FREM3: variants seen among roughly 807,000 people sequenced by gnomAD.
FREM3 encodes FRAS1 related extracellular matrix 3.
A neutral mutation model predicts 129.1 loss-of-function variants in FREM3; 105 were observed. The observed-to-expected ratio is 0.81, with a 90% CI of 0.69 to 0.96. The LOEUF (loss-of-function observed/expected upper bound fraction) is 0.96. Ranked by LOEUF, FREM3 falls within the 40% of genes least tolerant of loss-of-function variation. FREM3 has a pLI of 0.00. For missense variants in FREM3, 2,593 were observed against 2,666.3 expected, an observed-to-expected ratio of 0.97 and a Z score of 0.61; for synonymous variants, 1,014 against 1,044.9, an observed-to-expected ratio of 0.97 and a Z score of 0.57.
intron 2 of FREM3, among the ~76,000 whole-genome samples, chr4:143,655,008 C>G (rs1739575175): frequency 6.6e-6 from 1 of 152,092 alleles, no homozygotes; most frequent in South Asian, 2.1e-4. Context: ...TGCAGCTGTT[C>G]CCTCCATCCT....
rs1444241670 is a variant in FREM3, at chr4:143,659,898, A to T, written c.5276-32138T>A. 8.6e-4 allele frequency among the ~76,000 whole-genome samples: 130 copies of T among 151,858 alleles called. No individual in the cohort carries two copies. In the Middle Eastern group the frequency reaches 0.01, roughly 12 times the overall value. ...ATGTCTTCTTTTGAGAAGTGTCTGTACATGTCCTTGGCCCACTTTTTGATG... is the reference window on the plus strand; with the variant it reads ...ATGTCTTCTTTTGAGAAGTGTCTGTTCATGTCCTTGGCCCACTTTTTGATG... On this transcript the variant is annotated intron_variant, in intron 2 of 7. Coordinates refer to ENST00000329798, the MANE Select transcript of FREM3 (RefSeq NM_001168235.2).
chr4:143,617,273 T>G (rs1035637782), intron 5 of FREM3, among the ~76,000 whole-genome samples: 2 of 152,074 alleles, frequency 1.3e-5, no homozygotes, highest in Non-Finnish European at 2.9e-5. Context: ...GTGACATTTT[T>G]GGGGGTCACA....
chr4:143,673,702 GAGGC>G (rs764325192), intron 2 of FREM3, among the ~76,000 whole-genome samples: 3 of 152,254 alleles, frequency 2.0e-5, no homozygotes, highest in East Asian at 1.9e-4. Flanking sequence ...AGAGTCTACA[GAGGC>G]AGGCAGGCCT....
intron 2 of FREM3, among the ~76,000 whole-genome samples, chr4:143,634,766 G>C (rs1349949520): frequency 2.0e-5 from 3 of 152,116 alleles, no homozygotes; most frequent in African/African-American, 7.2e-5. Flanking sequence ...GTGAGGGTCA[G>C]TTACAGGCTC....
rs1231344178 is a variant in FREM3, at chr4:143,698,125, C to T, written c.2551G>A (p.Glu851Lys). ...GTGTCTGGGTCTGTAACATGCAGCT[C>T]ATTACTGCTGAGGTTAAAGCTGCCT... Reference protein sequence around the residue: ...EGGSFNLSSNELHVTDPDTDI... With the variant: ...EGGSFNLSSNKLHVTDPDTDI... Residue 851 changes from glutamate (E) to lysine (K), a missense_variant, in exon 1 of 8, where the codon GAG (glutamate) becomes AAG (lysine). Glu to Lys is a moderately conservative substitution (Grantham distance 56, BLOSUM62 1). Transcript: ENST00000329798. The T allele has an allele frequency of 2.0e-6, 3 of 1,537,460 alleles. No homozygotes were observed. The highest frequency in any genetic ancestry group is 2.4e-5 in the East Asian group (1 of 40,920).
intron 6 of FREM3, among the ~76,000 whole-genome samples, chr4:143,604,029 C>T (rs1738622963): frequency 6.6e-6 from 1 of 152,156 alleles, no homozygotes; most frequent in South Asian, 2.1e-4. Context: ...TTGGATCTCT[C>T]ATGAACATCT....
intron 5 of FREM3, among the ~76,000 whole-genome samples, chr4:143,616,362 T>G (rs1235154060): frequency 6.6e-6 from 1 of 152,190 alleles, no homozygotes; most frequent in Non-Finnish European, 1.5e-5. Context: ...CCAAACCGTC[T>G]GAGATGCAAA....
intron 6 of FREM3, among the ~76,000 whole-genome samples, chr4:143,596,108 T>A (rs1318661839): frequency 1.3e-4 from 20 of 152,012 alleles, no homozygotes; most frequent in Admixed American, 1.3e-3. Context: ...GTGTGTAAGG[T>A]GAGAACAGAG....
At chr4:143,691,625 T>G (rs1740472757) in intron 2 of FREM3, among the ~76,000 whole-genome samples, 1 of 152,230 alleles carries the variant, frequency 6.6e-6, no homozygotes, top group Non-Finnish European at 1.5e-5. Flanking sequence ...AACCATGGTG[T>G]CTTCATTTTA....
In FREM3 at chr4:143,610,352, C is replaced by G. The variant is rs544637961; in HGVS notation, c.6028+927G>C. On this transcript the variant is annotated intron_variant, in intron 6 of 7. Coordinates refer to ENST00000329798, the MANE Select transcript of FREM3 (RefSeq NM_001168235.2). ...TATGAAGACATAATTTTAAACAGAA[C>G]ATGATAGTACACGATAAATTTACCA... Among the ~76,000 whole-genome samples, 3 of 152,232 alleles carry G rather than the reference C, an allele frequency of 2.0e-5. No homozygotes were observed. In the South Asian group the frequency reaches 6.2e-4, roughly 32 times the overall value.
chr4:143,691,172 C>G lies in FREM3; in HGVS notation c.5275+1941G>C, dbSNP rs149561088. On this transcript the variant is annotated intron_variant, in intron 2 of 7. Transcript: ENST00000329798. ...AGATACAGCTATGAATGAATGTATCCTCAAATATTTTGGACTCTGTGTTTG... is the reference window on the plus strand; with the variant it reads ...AGATACAGCTATGAATGAATGTATCGTCAAATATTTTGGACTCTGTGTTTG... Among the ~76,000 whole-genome samples the G allele has an allele frequency of 3.3e-3, 498 of 152,166 alleles. 5 individuals carry two copies. The highest frequency in any genetic ancestry group is 0.011 in the African/African-American group (469 of 41,480).
chr4:143,593,909 G>A (rs1052508988), intron 6 of FREM3, among the ~76,000 whole-genome samples: 47 of 151,332 alleles, frequency 3.1e-4, no homozygotes, highest in Non-Finnish European at 6.8e-4. Context: ...AGCCGCTTTG[G>A]CTCAAGCCTC....
At chr4:143,631,439 G>C (rs1328396850) in intron 2 of FREM3, among the ~76,000 whole-genome samples, 1 of 152,052 alleles carries the variant, frequency 6.6e-6, no homozygotes, top group African/African-American at 2.4e-5. Flanking sequence ...CACCTCCCAG[G>C]TTCAAGTGAT....
In FREM3 at chr4:143,695,483, A is replaced by G. The variant is rs1740547360; in HGVS notation, c.5185+8T>C. 5.2e-6 allele frequency: 8 copies of G among 1,533,042 alleles called. No individual in the cohort carries two copies. The highest frequency in any genetic ancestry group is 1.7e-4 in the Middle Eastern group (1 of 5,948). The allele number at this position is 1,533,042 out of a possible 1,614,324, so 95.0% of individuals were successfully genotyped here. On this transcript the variant is annotated splice_region_variant and intron_variant, in intron 1 of 7. Transcript: ENST00000329798. Reference sequence around the variant, plus strand: ...GGACAGAATAGGCAGGGAAGAATACATACTAACCTTGTGTAAACACTCGAG... The same window carrying G: ...GGACAGAATAGGCAGGGAAGAATACGTACTAACCTTGTGTAAACACTCGAG...
rs1738066079 is a variant in FREM3, at chr4:143,577,759, C to T, written c.6272G>A (p.Gly2091Glu). ...TFQVTILDDL[G>E]QPTLEGPEKF... ...CTCTGGGCCTTCCAAGGTAGGCTGT[C>T]CCAGGTCATCAAGGATGGTCACTTG... The change falls in exon 8 of 8, where the codon GGA becomes GAA. Residue 2091 changes from glycine to glutamate, a missense_variant. By Grantham distance (98) the Gly-to-Glu change is moderately conservative. Around this residue, in one of 2 missense-constraint regions of FREM3, gnomAD observed 317 missense variants for 399.0 expected, o/e 0.79. Coordinates refer to ENST00000329798, the MANE Select transcript of FREM3 (RefSeq NM_001168235.2). The T allele has an allele frequency of 2.6e-6, 4 of 1,537,178 alleles. No individual in the cohort carries two copies. Among genetic ancestry groups the T allele is most frequent in the South Asian group, 1.2e-5 (1 of 84,064 alleles).
intron 2 of FREM3, among the ~76,000 whole-genome samples, chr4:143,668,735 G>GT (rs1201763557): frequency 6.6e-6 from 1 of 152,180 alleles, no homozygotes; most frequent in East Asian, 1.9e-4. Context: ...CATATATTTT[G>GT]TTTCTCTGCC....
At chr4:143,577,885 G>A in intron 7 of FREM3, 33 bp from the exon 8 acceptor site, 1 of 1,517,924 alleles carries the variant, frequency 6.6e-7, no homozygotes, top group South Asian at 1.2e-5. Flanking sequence ...TGGTGAGACA[G>A]TAGGATTTGT....
chr4:143,700,140 T>C lies in FREM3; in HGVS notation c.536A>G (p.Glu179Gly). The C allele has an allele frequency of 6.5e-7, 1 of 1,536,996 alleles. No homozygotes were observed. Among genetic ancestry groups the C allele is most frequent in the African/African-American group, 1.4e-5 (1 of 73,156 alleles). Residue 179 changes from glutamate to glycine, a missense_variant, in exon 1 of 8, where the codon GAG becomes GGG. Physicochemically the swap from Glu to Gly is moderately conservative, Grantham distance 98. Coordinates refer to ENST00000329798, the MANE Select transcript of FREM3 (RefSeq NM_001168235.2). Reference protein sequence around the residue: ...LVTRNRPLVVEKLRSWSRAID... With the variant: ...LVTRNRPLVVGKLRSWSRAID... ...GGCGCGGCTCCAGCTTCGCAGCTTC[T>C]CCACTACCAAAGGCCTGTTACGCGT...
At chr4:143,612,992 C>T (rs2149839555) in intron 5 of FREM3, among the ~76,000 whole-genome samples, 1 of 152,270 alleles carries the variant, frequency 6.6e-6, no homozygotes, top group Middle Eastern at 3.4e-3. Flanking sequence ...TGCCCACTGT[C>T]ATCTAAACAT....
Sources: gnomAD v4.1 joint callset for allele counts (sites outside exome capture counted in the v4.1 genomes callset) on GRCh38, gnomAD v4.1.1 for gene constraint, gnomAD v4.1.1 regional missense constraint, MANE v1.5 for transcripts, NCBI Gene and HGNC (gene_info 2026-07-23, HGNC 2026-07-21) for gene names.